The following GRM5 variants were observed in gnomAD, a reference collection of about 807,000 sequenced individuals.
GRM5 encodes metabotropic glutamate receptor 5.
A neutral mutation model predicts 83.1 loss-of-function variants in GRM5; 19 were observed. The ratio of observed to expected loss-of-function variants is 0.23; its 90% CI spans 0.16 to 0.34. The LOEUF is 0.34. Among genes scored for constraint, GRM5 ranks in the 10% least tolerant of loss-of-function variants. The probability of loss-of-function intolerance (pLI) is 1.00; values close to 1 mark genes in which losing one functional copy is unlikely to be tolerated. For missense variants in GRM5, 1,160 were observed against 1,588.3 expected (o/e 0.73, Z 4.58); for synonymous variants, 675 against 633.6 (o/e 1.07, Z -0.98).
At chr11:88,900,015 C>A (rs1945290441) in intron 2 of GRM5, among the ~76,000 whole-genome samples, 1 of 151,972 alleles carries the variant, frequency 6.6e-6, no homozygotes, top group Admixed American at 6.6e-5. Flanking sequence ...GATATGGAGA[C>A]CGTCTCATAT....
At chr11:88,789,566 C>A (rs1344504049) in intron 3 of GRM5, among the ~76,000 whole-genome samples, 1 of 152,012 alleles carries the variant, frequency 6.6e-6, no homozygotes, top group Non-Finnish European at 1.5e-5. Context: ...TATAAACATT[C>A]CTAAAATCCT....
intron 4 of GRM5, among the ~76,000 whole-genome samples, chr11:88,611,675 A>T (rs1010177972): frequency 3.9e-5 from 6 of 152,058 alleles, no homozygotes; most frequent in African/African-American, 1.4e-4. Flanking sequence ...TTTTGTTTTC[A>T]TTGATGTTTT....
At chr11:88,955,167 G>A (rs923823190) in intron 2 of GRM5, among the ~76,000 whole-genome samples, 1 of 152,150 alleles carries the variant, frequency 6.6e-6, no homozygotes, top group African/African-American at 2.4e-5. Flanking sequence ...GATAAGGTGA[G>A]TAACTTGTTC....
chr11:88,888,356 C>T (rs1945080853), intron 2 of GRM5, among the ~76,000 whole-genome samples: 2 of 152,038 alleles, frequency 1.3e-5, no homozygotes, highest in African/African-American at 4.8e-5. Flanking sequence ...TATAGTAGGC[C>T]AAATGGGAAA....
At chr11:88,911,878 A>G (rs1321789725) in intron 2 of GRM5, 4 of 361,368 alleles carry the variant, frequency 1.1e-5, no homozygotes, top group African/African-American at 2.2e-5. Flanking sequence ...AAGAAGAAAA[A>G]GTCCCTCTTT....
At chr11:88,966,109 T>C (rs1035415542) in intron 2 of GRM5, among the ~76,000 whole-genome samples, 5 of 152,098 alleles carry the variant, frequency 3.3e-5, no homozygotes, top group African/African-American at 1.2e-4. Flanking sequence ...GGGAAACCTT[T>C]AAGTACTTGG....
At chr11:88,816,488 G>A (rs1475344997) in intron 3 of GRM5, among the ~76,000 whole-genome samples, 4 of 144,468 alleles carry the variant, frequency 2.8e-5, no homozygotes, top group East Asian at 2.0e-4. Flanking sequence ...GTGGTGAGCC[G>A]AGATCATGCC....
intron 2 of GRM5, among the ~76,000 whole-genome samples, chr11:89,034,167 C>G (rs1246685713): frequency 1.3e-5 from 2 of 151,568 alleles, no homozygotes; most frequent in Non-Finnish European, 3.0e-5. Flanking sequence ...CTATATCTGT[C>G]AGTGTGGAAG....
intron 2 of GRM5, among the ~76,000 whole-genome samples, chr11:89,039,807 G>A (rs1426975362): frequency 1.3e-5 from 2 of 152,114 alleles, no homozygotes; most frequent in Non-Finnish European, 2.9e-5. Flanking sequence ...AACAGGCCCT[G>A]CTTGGTTGCA....
chr11:88,914,740 C>A (rs558469186), intron 2 of GRM5, among the ~76,000 whole-genome samples: 3 of 152,284 alleles, frequency 2.0e-5, no homozygotes, highest in Non-Finnish European at 4.4e-5. Flanking sequence ...TAAAGGTCAA[C>A]AATATCCACT....
intron 3 of GRM5, among the ~76,000 whole-genome samples, chr11:88,763,751 T>C (rs999698578): frequency 2.0e-4 from 31 of 151,672 alleles, no homozygotes; most frequent in Non-Finnish European, 4.0e-4. Context: ...AAGATAGCTA[T>C]AGAGTATCTA....
intron 2 of GRM5, among the ~76,000 whole-genome samples, chr11:89,003,967 C>A (rs971650257): frequency 3.3e-5 from 5 of 152,170 alleles, no homozygotes; most frequent in African/African-American, 9.6e-5. Context: ...TAAAGCTGAA[C>A]TGGAAATATA....
At chr11:88,977,971 C>T (rs1426651028) in intron 2 of GRM5, among the ~76,000 whole-genome samples, 2 of 152,208 alleles carry the variant, frequency 1.3e-5, no homozygotes, top group Admixed American at 1.3e-4. Flanking sequence ...ATTACCCTTT[C>T]ATTCAGCATT....
At chr11:88,995,788 G>A (rs574042277) in intron 2 of GRM5, among the ~76,000 whole-genome samples, 1 of 151,988 alleles carries the variant, frequency 6.6e-6, no homozygotes, top group Admixed American at 6.6e-5. Context: ...GACATGTGAA[G>A]GGTACCCAGC....
chr11:88,925,638 G>A (rs1281984974), intron 2 of GRM5: 4 of 406,042 alleles, frequency 9.9e-6, no homozygotes, highest in Non-Finnish European at 2.0e-5. Context: ...GCCGGGTGCT[G>A]GGGTGGCTCA....
At chr11:88,930,100 T>A (rs1739523827) in intron 2 of GRM5, among the ~76,000 whole-genome samples, 1 of 152,066 alleles carries the variant, frequency 6.6e-6, no homozygotes, top group Admixed American at 6.6e-5. Context: ...TCTGTCTTAA[T>A]GTAAGTAAAG....
At position 88,671,888 on chromosome 11, in the gene GRM5, T is replaced by C. The variant is rs934511223; in HGVS notation, c.912-18485A>G. On this transcript the variant is annotated intron_variant, in intron 3 of 9. Transcript: ENST00000305447. ...GCTTGTTAATTTCATGCAAATTCAA[T>C]GTACTACACATCATGGTTTCTGTGC... Among the ~76,000 whole-genome samples, 7 of 152,224 alleles carry C rather than the reference T, an allele frequency of 4.6e-5. No homozygotes were observed. In the East Asian group the frequency reaches 1.3e-3, roughly 29 times the overall value.
chr11:88,537,018 G>GT (rs1238457879), intron 8 of GRM5, among the ~76,000 whole-genome samples: 1 of 152,168 alleles, frequency 6.6e-6, no homozygotes, highest in Non-Finnish European at 1.5e-5. Flanking sequence ...CCCATAGCTT[G>GT]TAAGTCTCAG....
intron 8 of GRM5, among the ~76,000 whole-genome samples, chr11:88,550,209 G>T (rs975844825): frequency 6.6e-6 from 1 of 152,040 alleles, no homozygotes; most frequent in African/African-American, 2.4e-5. Context: ...TTCTTCTAAT[G>T]ATCTGATTTA....
Sources: allele counts gnomAD v4.1 joint callset (sites outside exome capture counted in the v4.1 genomes callset), GRCh38; gene constraint gnomAD v4.1.1; transcripts MANE v1.5; gene names NCBI Gene and HGNC (gene_info 2026-07-23, HGNC 2026-07-21).